GPR137C: variants seen among roughly 807,000 people sequenced by gnomAD.
The protein encoded by GPR137C is integral membrane protein GPR137C.
Under a neutral mutation model 43.4 loss-of-function variants are expected in GPR137C, and 27 were observed. The ratio of observed to expected loss-of-function variants is 0.62; its 90% CI spans 0.46 to 0.86. GPR137C has a LOEUF of 0.86. Among genes scored for constraint, GPR137C ranks in the 40% least tolerant of loss-of-function variants. The pLI, the probability that GPR137C is intolerant of heterozygous loss-of-function variation, is 0.00. For synonymous variants in GPR137C, 285 were observed against 226.9 expected (o/e 1.26, Z -2.30); for missense variants, 522 against 534.6 (o/e 0.98, Z 0.23).
At position 52,594,682 on chromosome 14, in the gene GPR137C, C is replaced by T. The variant is rs2038829479; in HGVS notation, c.445-3590C>T. On this transcript the variant is annotated intron_variant, in intron 1 of 6. Coordinates refer to ENST00000321662, the MANE Select transcript of GPR137C (RefSeq NM_001099652.2). ...TTCCATTTGCTTGGTAGATCTTCCT[C>T]CATCCCTTTTTTTTGAGTCTATGTG... Among the ~76,000 whole-genome samples, 4 of 152,230 alleles carry T rather than the reference C, an allele frequency of 2.6e-5. No individual in the cohort carries two copies. The South Asian group carries it at 8.3e-4, about 32-fold the overall frequency.
At chr14:52,631,735 A>C (rs531336379) in intron 3 of GPR137C, among the ~76,000 whole-genome samples, 2 of 152,196 alleles carry the variant, frequency 1.3e-5, no homozygotes, top group African/African-American at 4.8e-5. Flanking sequence ...GAAAGCAAAT[A>C]GCATAGGAAC....
chr14:52,563,361 T>G (rs1594780186), intron 1 of GPR137C, among the ~76,000 whole-genome samples: 2 of 126,310 alleles, frequency 1.6e-5, no homozygotes, highest in Non-Finnish European at 3.6e-5. Flanking sequence ...CGATCCTTAC[T>G]CACCCATACT....
chr14:52,604,457 C>A (rs1283815741), intron 3 of GPR137C, among the ~76,000 whole-genome samples: 3 of 134,050 alleles, frequency 2.2e-5, no homozygotes, highest in Admixed American at 2.2e-4. Context: ...TTTTTTTTTT[C>A]TTGAGACAGA....
chr14:52,581,195 CAA>C (rs71125115), intron 1 of GPR137C, among the ~76,000 whole-genome samples: 8 of 83,512 alleles, frequency 9.6e-5, no homozygotes, highest in South Asian at 4.2e-4. Context: ...GACTTCTTCT[CAA>C]AAAAAAAAAA....
chr14:52,601,595 T>A (rs1195492861), intron 3 of GPR137C, among the ~76,000 whole-genome samples: 1 of 151,956 alleles, frequency 6.6e-6, no homozygotes, highest in Non-Finnish European at 1.5e-5. Context: ...TTTATTAAAT[T>A]TCTAGTCTAG....
intron 6 of GPR137C, among the ~76,000 whole-genome samples, chr14:52,634,414 G>A (rs933195650): frequency 7.2e-5 from 11 of 151,944 alleles, no homozygotes; most frequent in African/African-American, 1.9e-4. Flanking sequence ...ACTGTGATTC[G>A]GGCAAAGAGG....
At chr14:52,596,083 T>C (rs2038850843) in intron 1 of GPR137C, among the ~76,000 whole-genome samples, 1 of 152,220 alleles carries the variant, frequency 6.6e-6, no homozygotes, top group Non-Finnish European at 1.5e-5. Flanking sequence ...GCCTCTCAAC[T>C]GTAGGTCTGT....
chr14:52,554,846 A>G (rs1480968077), intron 1 of GPR137C, among the ~76,000 whole-genome samples: 2 of 152,222 alleles, frequency 1.3e-5, no homozygotes, highest in Non-Finnish European at 2.9e-5. Flanking sequence ...CACTAAAAAC[A>G]ATAGTTGAAA....
chr14:52,588,345 A>G (rs978788445), intron 1 of GPR137C, among the ~76,000 whole-genome samples: 32 of 152,130 alleles, frequency 2.1e-4, no homozygotes, highest in African/African-American at 5.3e-4. Flanking sequence ...GGGTTTCACC[A>G]TGTTGGCCAG....
chr14:52,574,217 G>T (rs2038516179), intron 1 of GPR137C, among the ~76,000 whole-genome samples: 1 of 152,130 alleles, frequency 6.6e-6, no homozygotes, highest in Non-Finnish European at 1.5e-5. Context: ...CCCATTACTA[G>T]ATATATACCC....
At chr14:52,631,021 G>T (rs1449411642) in intron 3 of GPR137C, among the ~76,000 whole-genome samples, 1 of 152,122 alleles carries the variant, frequency 6.6e-6, no homozygotes, top group Non-Finnish European at 1.5e-5. Flanking sequence ...ATGATTTTCT[G>T]AAATATTTGA....
chr14:52,573,707 G>A (rs536817600), intron 1 of GPR137C, among the ~76,000 whole-genome samples: 3 of 152,284 alleles, frequency 2.0e-5, no homozygotes, highest in Admixed American at 2.0e-4. Context: ...GGCAACAAAA[G>A]CCAAAGTTGA....
At chr14:52,601,252 T>G (rs2038920447) in intron 3 of GPR137C, among the ~76,000 whole-genome samples, 1 of 152,180 alleles carries the variant, frequency 6.6e-6, no homozygotes, top group African/African-American at 2.4e-5. Context: ...CTTGCTTTAA[T>G]TTGACATCAT....
chr14:52,626,587 C>G (rs1047047772), intron 3 of GPR137C, among the ~76,000 whole-genome samples: 8 of 151,934 alleles, frequency 5.3e-5, no homozygotes, highest in Admixed American at 4.6e-4. Flanking sequence ...AGATTGGAAA[C>G]AAAGCAAGGA....
Position 52,635,128 on chromosome 14 carries a change from G to A in GPR137C, c.*13G>A. The A allele has an allele frequency of 1.3e-6, 2 of 1,537,940 alleles. No homozygotes were observed. The highest frequency in any genetic ancestry group is 1.7e-6 in the Non-Finnish European group (2 of 1,145,478). ...ACCACAAAACTGACAGCATCACCAA[G>A]TCATGATTCTTGAGTTGTTTTTCAT... On this transcript the variant is annotated 3_prime_UTR_variant, in exon 7 of 7. Transcript: ENST00000321662.
chr14:52,587,241 A>T (rs1227118974), intron 1 of GPR137C, among the ~76,000 whole-genome samples: 1 of 152,224 alleles, frequency 6.6e-6, no homozygotes, highest in African/African-American at 2.4e-5. Context: ...TTAAGAGAGA[A>T]ATAAATATGT....
intron 1 of GPR137C, among the ~76,000 whole-genome samples, chr14:52,576,187 T>TAA (rs1223274053): frequency 6.6e-6 from 1 of 152,242 alleles, no homozygotes; most frequent in Non-Finnish European, 1.5e-5. Flanking sequence ...TGTGTACCCT[T>TAA]TGTTTAACTC....
chr14:52,602,796 T>G (rs12883217), intron 3 of GPR137C, among the ~76,000 whole-genome samples: 5,476 of 152,298 alleles, frequency 0.036, 132 homozygotes, highest in Middle Eastern at 0.096. Flanking sequence ...AAGTGGCATT[T>G]GTATGTGCCA....
chr14:52,569,476 G>A (rs1275197596), intron 1 of GPR137C, among the ~76,000 whole-genome samples: 1 of 151,766 alleles, frequency 6.6e-6, no homozygotes, highest in African/African-American at 2.4e-5. Context: ...TTCAGAAGGT[G>A]GATAATAACG....
Sources: allele counts gnomAD v4.1 joint callset (sites outside exome capture counted in the v4.1 genomes callset), GRCh38; gene constraint gnomAD v4.1.1; transcripts MANE v1.5; gene names NCBI Gene and HGNC (gene_info 2026-07-23, HGNC 2026-07-21).